DNAH14: variants seen among roughly 807,000 people sequenced by gnomAD.
DNAH14 encodes dynein axonemal heavy chain 14.
A neutral mutation model predicts 520.9 loss-of-function variants in DNAH14; 478 were observed. That is an observed-to-expected ratio of 0.92 (90% CI 0.85 to 0.99). The LOEUF (loss-of-function observed/expected upper bound fraction) is 0.99. DNAH14 is among the 50% of genes least tolerant of loss of function. The pLI is 0.00. For missense variants in DNAH14, 4,831 were observed against 5,234.5 expected, an observed-to-expected ratio of 0.92 and a Z score of 2.38; for synonymous variants, 1,581 against 1,757.2, an observed-to-expected ratio of 0.90 and a Z score of 2.51.
At chr1:225,363,480 T>C (rs944647529) in intron 75 of DNAH14, among the ~76,000 whole-genome samples, 35 of 152,200 alleles carry the variant, frequency 2.3e-4, no homozygotes, top group African/African-American at 7.2e-4. Context: ...AGTGATCCCC[T>C]TGCCCTAACC....
At chr1:225,058,730 G>A (rs925724364) in intron 17 of DNAH14, among the ~76,000 whole-genome samples, 3 of 152,072 alleles carry the variant, frequency 2.0e-5, no homozygotes, top group Non-Finnish European at 4.4e-5. Flanking sequence ...GGTATGTTAT[G>A]TCTTTGTTCT....
chr1:225,366,405 CTT>C (rs1491265548), intron 76 of DNAH14, among the ~76,000 whole-genome samples: 1 of 152,174 alleles, frequency 6.6e-6, no homozygotes, highest in Non-Finnish European at 1.5e-5. Flanking sequence ...CACACTCTCT[CTT>C]CTCTCTCTCT....
chr1:225,128,571 G>C (rs1393412168), intron 27 of DNAH14, among the ~76,000 whole-genome samples: 3 of 151,460 alleles, frequency 2.0e-5, no homozygotes, highest in Non-Finnish European at 4.4e-5. Flanking sequence ...AAAACCACAT[G>C]ATTATCTCAA....
chr1:225,288,567 A>T (rs1317486208), intron 54 of DNAH14, among the ~76,000 whole-genome samples: 1 of 152,146 alleles, frequency 6.6e-6, no homozygotes, highest in Non-Finnish European at 1.5e-5. Context: ...TTGGATGTGG[A>T]TATATGACAG....
intron 55 of DNAH14, among the ~76,000 whole-genome samples, chr1:225,295,165 C>T (rs537295985): frequency 2.1e-4 from 32 of 151,982 alleles, no homozygotes. Context: ...GTTTGTCTAA[C>T]TAATAGTTGT....
At chr1:225,335,394 C>A (rs2094938933) in intron 66 of DNAH14, among the ~76,000 whole-genome samples, 2 of 76,204 alleles carry the variant, frequency 2.6e-5, no homozygotes, top group Non-Finnish European at 5.5e-5. Context: ...CACATATACA[C>A]ATGTGTACAT....
At chr1:224,977,967 T>C (rs2061984798) in intron 8 of DNAH14, among the ~76,000 whole-genome samples, 1 of 151,994 alleles carries the variant, frequency 6.6e-6, no homozygotes, top group Admixed American at 6.6e-5. Flanking sequence ...CAATGAGATA[T>C]CACCTCACTC....
rs995847387 is a variant in DNAH14, at chr1:225,207,075, T to C, written c.6294T>C (p.Asn2098=). 2 of 1,550,892 alleles carry C rather than the reference T, an allele frequency of 1.3e-6. No homozygotes were observed. The highest frequency in any genetic ancestry group is 1.7e-6 in the Non-Finnish European group (2 of 1,146,620). Residue 2098 remains asparagine, a synonymous_variant, in exon 41 of 86, where the codon AAT becomes AAC. Transcript: ENST00000682510. ...GVDCLEFMIK[N]SVTDGLQFIR... ...ATTGTCTTGAATTCATGATTAAAAA[T>C]AGTGTCACAGACGGACTACAATTTA...
At chr1:225,269,977 T>C (rs1043526824) in intron 49 of DNAH14, among the ~76,000 whole-genome samples, 1 of 152,166 alleles carries the variant, frequency 6.6e-6, no homozygotes, top group Non-Finnish European at 1.5e-5. Flanking sequence ...ACTGGGTATA[T>C]ACTCAAAGGA....
intron 64 of DNAH14, among the ~76,000 whole-genome samples, chr1:225,325,203 T>C (rs1027467125): frequency 6.6e-6 from 1 of 151,642 alleles, no homozygotes; most frequent in Non-Finnish European, 1.5e-5. Context: ...AACTGTACTT[T>C]ATTGGGCACA....
At position 225,038,807 on chromosome 1, in the gene DNAH14, A is replaced by G. The variant is rs1162643092; in HGVS notation, c.1472A>G (p.Asp491Gly). The change falls in exon 12 of 86, where the codon GAC becomes GGC. Residue 491 changes from aspartate (D) to glycine (G), a missense_variant. By Grantham distance (94) the Asp-to-Gly change is moderately conservative. Coordinates refer to ENST00000682510, the MANE Select transcript of DNAH14 (RefSeq NM_001367479.1). ...ISVQKSEVKT[D>G]TDINEILNSV... is the part of the protein sequence containing the mutation. Reference sequence around the variant, plus strand: ...GTTCAAAAGTCAGAAGTAAAAACAGACACTGATATTAATGAGGTAAAATGA... The same window carrying G: ...GTTCAAAAGTCAGAAGTAAAAACAGGCACTGATATTAATGAGGTAAAATGA... 43 of 1,501,950 alleles carry G rather than the reference A, an allele frequency of 2.9e-5. No individual in the cohort carries two copies. Among genetic ancestry groups the G allele is most frequent in the Non-Finnish European group, 3.7e-5 (42 of 1,128,264 alleles). 93.0% of individuals were successfully genotyped at this position (1,501,950 alleles called of 1,614,324 possible).
intron 12 of DNAH14, among the ~76,000 whole-genome samples, chr1:225,039,583 G>GA (rs75858834): frequency 0.044 from 6,376 of 143,544 alleles, 388 homozygotes; most frequent in African/African-American, 0.14. Flanking sequence ...TCTTTAGTAT[G>GA]AAAAAAAAAA....
intron 35 of DNAH14, among the ~76,000 whole-genome samples, chr1:225,163,387 G>A (rs1254704443): frequency 6.6e-6 from 1 of 152,076 alleles, no homozygotes; most frequent in Non-Finnish European, 1.5e-5. Context: ...AAGACTTCCA[G>A]TGCTATGTTG....
At chr1:225,114,288 C>T (rs115565831) in intron 23 of DNAH14, among the ~76,000 whole-genome samples, 1 of 152,142 alleles carries the variant, frequency 6.6e-6, no homozygotes, top group Non-Finnish European at 1.5e-5. Flanking sequence ...CATACAAGAT[C>T]TAGGGCCTAG....
chr1:225,327,371 C>G (rs1318460800), intron 64 of DNAH14, among the ~76,000 whole-genome samples: 1 of 151,918 alleles, frequency 6.6e-6, no homozygotes, highest in Non-Finnish European at 1.5e-5. Flanking sequence ...CCGTGTTAGC[C>G]AGGATGGTCT....
Position 225,258,335 on chromosome 1 carries a change from C to T in DNAH14, c.7024+217C>T, listed in dbSNP as rs569184643. ...ATAAATCTTTTTCATCTTTTCATTACCTGCAGGAGAAATTCCAGAAGTAGA... is the reference window on the plus strand; with the variant it reads ...ATAAATCTTTTTCATCTTTTCATTATCTGCAGGAGAAATTCCAGAAGTAGA... On this transcript the variant is annotated intron_variant, in intron 45 of 85. Transcript: ENST00000682510. Among the ~76,000 whole-genome samples the T allele has an allele frequency of 3.3e-5, 5 of 152,196 alleles. No individual in the cohort carries two copies. In the South Asian group the frequency reaches 1.0e-3, roughly 32 times the overall value.
chr1:225,070,172 G>C (rs1195399364), intron 17 of DNAH14, among the ~76,000 whole-genome samples: 1 of 151,726 alleles, frequency 6.6e-6, no homozygotes, highest in Non-Finnish European at 1.5e-5. Flanking sequence ...TGGATTCATT[G>C]GTCTTTTGAA....
intron 79 of DNAH14, among the ~76,000 whole-genome samples, chr1:225,379,658 G>A (rs899203859): frequency 1.3e-5 from 2 of 151,924 alleles, no homozygotes; most frequent in African/African-American, 2.4e-5. Context: ...CTCCTGAGTA[G>A]CTCAGACTAC....
chr1:225,200,399 A>AT (rs935603979), intron 38 of DNAH14, among the ~76,000 whole-genome samples: 2 of 151,306 alleles, frequency 1.3e-5, no homozygotes, highest in African/African-American at 2.4e-5. Flanking sequence ...TTGGTTTTTC[A>AT]TTTTTTTGGT....
Sources: allele counts gnomAD v4.1 joint callset (sites outside exome capture counted in the v4.1 genomes callset), GRCh38; gene constraint gnomAD v4.1.1; transcripts MANE v1.5; gene names NCBI Gene and HGNC (gene_info 2026-07-23, HGNC 2026-07-21).